Variants in PTPRG observed in about 807,000 individuals in gnomAD.
PTPRG encodes the protein receptor-type tyrosine-protein phosphatase gamma.
In PTPRG, 102 loss-of-function variants were observed where a neutral mutation model predicts 165.3. That is an observed-to-expected ratio of 0.62 (90% confidence interval 0.53 to 0.73). PTPRG has a LOEUF of 0.73. Among genes scored for constraint, PTPRG ranks in the 30% least tolerant of loss-of-function variants. The pLI is 0.00. For missense variants in PTPRG, 1,866 were observed against 1,861.4 expected, an observed-to-expected ratio of 1.00 and a Z score of -0.05; for synonymous variants, 675 against 669.5, an observed-to-expected ratio of 1.01 and a Z score of -0.13.
intron 8 of PTPRG, among the ~76,000 whole-genome samples, chr3:62,172,239 T>C (rs536171833): frequency 3.3e-5 from 5 of 152,342 alleles, no homozygotes; most frequent in Admixed American, 6.5e-5. Context: ...TAAATATACA[T>C]TTTCAAGTCT....
intron 2 of PTPRG, among the ~76,000 whole-genome samples, chr3:61,963,227 G>C (rs543877585): frequency 9.2e-5 from 14 of 152,132 alleles, no homozygotes; most frequent in Non-Finnish European, 1.0e-4. Context: ...ACTCCCTCAA[G>C]GTTTTAAATA....
chr3:62,157,104 C>A lies in PTPRG; in HGVS notation c.720C>A (p.Asp240Glu). The change falls in exon 7 of 30, where the codon GAC becomes GAA. Residue 240 changes from aspartate to glutamate, a missense_variant. This residue lies in a region of PTPRG where 408 missense variants were observed against 376.2 expected (regional missense o/e 1.08). Coordinates refer to ENST00000474889, the MANE Select transcript of PTPRG (RefSeq NM_002841.4). ...ETFLDPFVLR[D>E]LLPASLGSYY... is the part of the protein sequence containing the mutation. ...TTCTGGATCCTTTCGTCCTCCGGGA[C>A]CTCCTGCCTGCATCCCTGGGCAGCT... The A allele has an allele frequency of 1.2e-6, 2 of 1,610,952 alleles. No homozygotes were observed. The highest frequency in any genetic ancestry group is 1.7e-6 in the Non-Finnish European group (2 of 1,177,114).
In PTPRG at chr3:61,812,602, A is replaced by G. The variant is rs375983638; in HGVS notation, c.190+63620A>G. Among the ~76,000 whole-genome samples the G allele has an allele frequency of 2.0e-5, 3 of 152,226 alleles. No homozygotes were observed. In the East Asian group the frequency reaches 5.8e-4, roughly 29 times the overall value. The stretch of plus-strand genomic sequence containing the variant: ...GCTCACCAAAAGTCAGATTCATCCT[A>G]TCTAGGTTTCCAGATAACTCCTCGT... On this transcript the variant is annotated intron_variant, in intron 2 of 29. Coordinates refer to ENST00000474889, the MANE Select transcript of PTPRG (RefSeq NM_002841.4).
At chr3:61,722,244 C>T (rs1160948896) in intron 1 of PTPRG, among the ~76,000 whole-genome samples, 1 of 151,954 alleles carries the variant, frequency 6.6e-6, no homozygotes, top group Admixed American at 6.6e-5. Flanking sequence ...CACACACACA[C>T]ATGCACAAAA....
chr3:61,711,279 A>G (rs2031541689), intron 1 of PTPRG, among the ~76,000 whole-genome samples: 2 of 152,182 alleles, frequency 1.3e-5, no homozygotes, highest in South Asian at 4.1e-4. Context: ...TCTTTTGGGT[A>G]TATACCCAGT....
chr3:62,281,805 C>CTCAG, intron 27 of PTPRG, 96 bp downstream of exon 27: 1 of 1,224,824 alleles, frequency 8.2e-7, no homozygotes, highest in Non-Finnish European at 1.1e-6. Flanking sequence ...TCAAGCCAGG[C>CTCAG]TCAGGCATTT....
intron 2 of PTPRG, among the ~76,000 whole-genome samples, chr3:61,872,621 A>G (rs1382587009): frequency 6.6e-6 from 1 of 151,788 alleles, no homozygotes; most frequent in Non-Finnish European, 1.5e-5. Flanking sequence ...TTTTTTTTTC[A>G]TGACCATTTG....
intron 1 of PTPRG, among the ~76,000 whole-genome samples, chr3:61,618,836 T>G (rs868123451): frequency 6.6e-6 from 1 of 151,968 alleles, no homozygotes; most frequent in African/African-American, 2.4e-5. Flanking sequence ...CATCACACTT[T>G]TAGTGATCAT....
chr3:61,971,827 G>A (rs1416731218), intron 2 of PTPRG, among the ~76,000 whole-genome samples: 1 of 152,156 alleles, frequency 6.6e-6, no homozygotes, highest in Non-Finnish European at 1.5e-5. Flanking sequence ...CCTCAATAGA[G>A]TTGTTTAAAA....
At chr3:62,185,051 T>C (rs949522666) in intron 8 of PTPRG, among the ~76,000 whole-genome samples, 5 of 152,142 alleles carry the variant, frequency 3.3e-5, no homozygotes, top group Non-Finnish European at 7.4e-5. Context: ...CTATTTACTG[T>C]GGAACCACTG....
chr3:62,111,234 G>A (rs1313265546), intron 5 of PTPRG, among the ~76,000 whole-genome samples: 4 of 152,214 alleles, frequency 2.6e-5, no homozygotes, highest in Non-Finnish European at 5.9e-5. Context: ...AGTGCCTGCG[G>A]AGCTCGGAAA....
intron 2 of PTPRG, among the ~76,000 whole-genome samples, chr3:61,775,307 G>A (rs1476486832): frequency 1.3e-5 from 2 of 152,084 alleles, no homozygotes; most frequent in Non-Finnish European, 2.9e-5. Flanking sequence ...CTGACCTCAA[G>A]TCATCTGCCC....
chr3:61,987,054 G>T (rs2040780095), intron 2 of PTPRG, among the ~76,000 whole-genome samples: 1 of 152,156 alleles, frequency 6.6e-6, no homozygotes, highest in African/African-American at 2.4e-5. Flanking sequence ...TAACACTGAA[G>T]AGATTTATAC....
chr3:61,916,649 A>G (rs1446012899), intron 2 of PTPRG, among the ~76,000 whole-genome samples: 1 of 152,164 alleles, frequency 6.6e-6, no homozygotes, highest in Non-Finnish European at 1.5e-5. Context: ...TCTTTTAATC[A>G]TTATATGTTT....
rs188914365 is a variant in PTPRG, at chr3:61,684,173, T to G, written c.86-64705T>G. ...GAGTAGCTCCAACAGAAGTTTTGCCTTCTGAGTAGTAAGGTGGTCACAACT... is the reference window on the plus strand; with the variant it reads ...GAGTAGCTCCAACAGAAGTTTTGCCGTCTGAGTAGTAAGGTGGTCACAACT... On this transcript the variant is annotated intron_variant, in intron 1 of 29. Coordinates refer to ENST00000474889, the MANE Select transcript of PTPRG (RefSeq NM_002841.4). 7.0e-4 allele frequency among the ~76,000 whole-genome samples: 107 copies of G among 152,310 alleles called. No homozygotes were observed. In the East Asian group the frequency reaches 0.014, roughly 19 times the overall value.
chr3:61,819,855 G>A (rs1411792992), intron 2 of PTPRG, among the ~76,000 whole-genome samples: 1 of 152,196 alleles, frequency 6.6e-6, no homozygotes. Flanking sequence ...ATCTTAATGT[G>A]TATGGCCCTT....
Position 61,742,613 on chromosome 3 carries a change from C to G in PTPRG, c.86-6265C>G, listed in dbSNP as rs187435690. On this transcript the variant is annotated intron_variant, in intron 1 of 29. Transcript: ENST00000474889. ...ATCTTCACGTGACCAACAGCTACAG[C>G]CAGACATAACACCTTCTTCATTTGG... is the stretch of plus-strand genomic sequence containing the variant. The G allele has an allele frequency of 1.9e-4, 310 of 1,602,506 alleles. 1 individual carries two copies. In the African/African-American group the frequency reaches 3.7e-3, roughly 19 times the overall value.
chr3:61,585,281 A>C lies in PTPRG; in HGVS notation c.85+22909A>C, dbSNP rs1268481149. ...GGGCAACAGAGGGAGACCCTGTCTCAAAAAAAAAAAAAAAAAAGAAAAAGG... is the reference window on the plus strand; with the variant it reads ...GGGCAACAGAGGGAGACCCTGTCTCCAAAAAAAAAAAAAAAAAGAAAAAGG... On this transcript the variant is annotated intron_variant, in intron 1 of 29. Coordinates refer to ENST00000474889, the MANE Select transcript of PTPRG (RefSeq NM_002841.4). Among the ~76,000 whole-genome samples, 3 of 82,800 alleles carry C rather than the reference A, an allele frequency of 3.6e-5. No homozygotes were observed. The East Asian group carries it at 1.0e-3, about 28-fold the overall frequency. 54.3% of individuals were successfully genotyped at this position (82,800 alleles called of 152,430 possible). A position where few individuals can be genotyped will look rare whatever the true frequency, so the allele number is the denominator to read the frequency against.
chr3:62,260,910 A>AT (rs1164815541), intron 16 of PTPRG: 1 of 152,202 alleles, frequency 6.6e-6, no homozygotes, highest in Non-Finnish European at 1.5e-5. Flanking sequence ...TGTTTCTGTC[A>AT]TTCATCTAAT....
Sources: gnomAD v4.1 joint callset for allele counts (sites outside exome capture counted in the v4.1 genomes callset) on GRCh38, gnomAD v4.1.1 for gene constraint, gnomAD v4.1.1 regional missense constraint, MANE v1.5 for transcripts, NCBI Gene and HGNC (gene_info 2026-07-23, HGNC 2026-07-21) for gene names.